The following SLC4A4 variants were observed in gnomAD, a reference collection of about 807,000 sequenced individuals.
SLC4A4 encodes solute carrier family 4 member 4.
Under a neutral mutation model 111.5 loss-of-function variants are expected in SLC4A4, and 27 were observed. The ratio of observed to expected loss-of-function variants is 0.24; its 90% CI spans 0.18 to 0.33. SLC4A4 has a LOEUF of 0.33. Ranked by LOEUF, SLC4A4 falls within the 10% of genes least tolerant of loss-of-function variation. The pLI, the probability that SLC4A4 is intolerant of heterozygous loss-of-function variation, is 1.00. For missense variants in SLC4A4, 909 were observed against 1,315.5 expected, an observed-to-expected ratio of 0.69 and a Z score of 4.78; for synonymous variants, 443 against 463.4, an observed-to-expected ratio of 0.96 and a Z score of 0.57.
In SLC4A4 at chr4:71,419,781, T is replaced by C. The variant is rs1014385524; in HGVS notation, c.808-20835T>C. On this transcript the variant is annotated intron_variant, in intron 7 of 25. Coordinates refer to ENST00000264485, the MANE Select transcript of SLC4A4 (RefSeq NM_001098484.3). ...ATGGAAATGCAGAAATCACCCGTCT[T>C]CTGCGTCACTCATGCTGGGAGCTGT... is the stretch of plus-strand genomic sequence containing the variant. Among the ~76,000 whole-genome samples the C allele has an allele frequency of 9.6e-4, 146 of 152,334 alleles. 1 individual carries two copies. The highest frequency in any genetic ancestry group is 3.2e-3 in the African/African-American group (131 of 41,576).
intron 3 of SLC4A4, among the ~76,000 whole-genome samples, chr4:71,311,216 G>A (rs1047563536): frequency 6.6e-6 from 1 of 152,116 alleles, no homozygotes; most frequent in Non-Finnish European, 1.5e-5. Context: ...GACTTACAAA[G>A]AGACTTAGAC....
chr4:71,142,759 CTCTTT>C (rs1744038684), intron 2 of SLC4A4, among the ~76,000 whole-genome samples: 1 of 116,368 alleles, frequency 8.6e-6, no homozygotes, highest in East Asian at 2.7e-4. Context: ...ACTTTTCTCA[CTCTTT>C]TTTTTTTTTT....
intron 6 of SLC4A4, among the ~76,000 whole-genome samples, chr4:71,368,255 C>T (rs1365519782): frequency 1.3e-5 from 2 of 152,162 alleles, no homozygotes; most frequent in African/African-American, 4.8e-5. Context: ...TCTGGAGAAA[C>T]CATACTGTAT....
Position 71,127,745 on chromosome 4 carries a change from A to G in SLC4A4, c.-2+34953A>G, listed in dbSNP as rs78874381. 1.1e-3 allele frequency among the ~76,000 whole-genome samples: 165 copies of G among 152,344 alleles called. No individual in the cohort carries two copies. The East Asian group carries it at 0.011, about 10-fold the overall frequency. ...ATATATGTACACAATATATGTACCT[A>G]TGAACATACATATGTACATACATAC... On this transcript the variant is annotated intron_variant, in intron 2 of 26. Transcript: ENST00000649996.
At chr4:71,130,685 A>C (rs1466833073) in intron 2 of SLC4A4, among the ~76,000 whole-genome samples, 1 of 152,072 alleles carries the variant, frequency 6.6e-6, no homozygotes, top group African/African-American at 2.4e-5. Context: ...CATCTCTTTT[A>C]TTGTATTATT....
intron 7 of SLC4A4, among the ~76,000 whole-genome samples, chr4:71,405,307 A>G (rs1720744397): frequency 6.6e-6 from 1 of 152,164 alleles, no homozygotes; most frequent in African/African-American, 2.4e-5. Context: ...CTTGATGTTG[A>G]GTTTAATGAA....
intron 3 of SLC4A4, among the ~76,000 whole-genome samples, chr4:71,333,419 T>C (rs1234142267): frequency 1.3e-5 from 2 of 152,176 alleles, no homozygotes; most frequent in Non-Finnish European, 2.9e-5. Flanking sequence ...CTACCTGGAG[T>C]TGGGGGAGGT....
intron 16 of SLC4A4, among the ~76,000 whole-genome samples, chr4:71,527,514 A>G (rs1733521938): frequency 6.6e-6 from 1 of 151,986 alleles, no homozygotes; most frequent in Non-Finnish European, 1.5e-5. Context: ...TGGGCCAGGG[A>G]AGAGGAGCCA....
rs1207720316 is a variant in SLC4A4 at position 71,265,235 on chromosome 4, G to A, written c.253+9836G>A. Among the ~76,000 whole-genome samples, 3 of 152,164 alleles carry A rather than the reference G, an allele frequency of 2.0e-5. No individual in the cohort carries two copies. In the South Asian group the frequency reaches 6.2e-4, roughly 31 times the overall value. On this transcript the variant is annotated intron_variant, in intron 3 of 25. Transcript: ENST00000264485. Reference sequence around the variant, plus strand: ...TTCCTCTTCTGGCAGATGGAGAGAAGGTGCTGTCTTTAGTGACTGAGTGCG... The same window carrying A: ...TTCCTCTTCTGGCAGATGGAGAGAAAGTGCTGTCTTTAGTGACTGAGTGCG...
intron 1 of SLC4A4, among the ~76,000 whole-genome samples, chr4:71,086,383 G>C (rs1578464568): frequency 6.6e-6 from 1 of 151,742 alleles, no homozygotes; most frequent in South Asian, 2.1e-4. Flanking sequence ...TTTCCTAATT[G>C]AATACCCTTT....
chr4:71,349,797 CA>C (rs1560431303), intron 4 of SLC4A4, 114 bp from the exon 5 acceptor site: 1 of 897,282 alleles, frequency 1.1e-6, no homozygotes, highest in African/African-American at 1.6e-5. Context: ...TAATACTCCA[CA>C]AAAAGAGACA....
chr4:71,262,188 A>ATT (rs1440838295), intron 3 of SLC4A4, among the ~76,000 whole-genome samples: 2 of 152,242 alleles, frequency 1.3e-5, no homozygotes, highest in Non-Finnish European at 2.9e-5. Flanking sequence ...TCTTCTTGAA[A>ATT]TAGTATTCTG....
chr4:71,381,771 A>G (rs1393160332), intron 6 of SLC4A4, among the ~76,000 whole-genome samples: 2 of 151,918 alleles, frequency 1.3e-5, no homozygotes, highest in Non-Finnish European at 2.9e-5. Flanking sequence ...GGCTGGAGTG[A>G]GGTGGTGTGA....
At chr4:71,376,160 C>T (rs1237329034) in intron 6 of SLC4A4, among the ~76,000 whole-genome samples, 57 of 140,990 alleles carry the variant, frequency 4.0e-4, no homozygotes, top group Middle Eastern at 3.5e-3. Flanking sequence ...TATATATACA[C>T]ACACACACAC....
At chr4:71,178,518 G>T (rs1745167425) in intron 2 of SLC4A4, among the ~76,000 whole-genome samples, 1 of 152,122 alleles carries the variant, frequency 6.6e-6, no homozygotes, top group African/African-American at 2.4e-5. Context: ...AAATGATAAA[G>T]GGGATATCAC....
intron 6 of SLC4A4, among the ~76,000 whole-genome samples, chr4:71,384,171 C>A (rs553374183): frequency 1.3e-5 from 2 of 152,150 alleles, no homozygotes; most frequent in South Asian, 2.1e-4. Context: ...GCTATCACAT[C>A]ATTTGGACCC....
chr4:71,218,191 A>G (rs1718544863), intron 1 of SLC4A4, among the ~76,000 whole-genome samples: 1 of 152,240 alleles, frequency 6.6e-6, no homozygotes, highest in Non-Finnish European at 1.5e-5. Context: ...TTTGGTCTTC[A>G]GAGGTCTGTG....
intron 3 of SLC4A4, among the ~76,000 whole-genome samples, chr4:71,279,556 G>A (rs1410431373): frequency 1.3e-5 from 2 of 151,932 alleles, no homozygotes; most frequent in Admixed American, 6.6e-5. Flanking sequence ...TTGGCTATTG[G>A]TGAATAATGT....
intron 2 of SLC4A4, among the ~76,000 whole-genome samples, chr4:71,159,207 A>G (rs1370922505): frequency 6.6e-6 from 1 of 152,158 alleles, no homozygotes; most frequent in Non-Finnish European, 1.5e-5. Flanking sequence ...CTAACATTGC[A>G]TTGTGGATAG....
Sources: allele counts gnomAD v4.1 joint callset (sites outside exome capture counted in the v4.1 genomes callset), GRCh38; gene constraint gnomAD v4.1.1; transcripts MANE v1.5; gene names NCBI Gene and HGNC (gene_info 2026-07-23, HGNC 2026-07-21).